TRABD2B: variants seen among roughly 807,000 people sequenced by gnomAD.
TRABD2B encodes the protein TraB domain containing 2B.
TRABD2B carries 14 observed loss-of-function variants against 40.1 expected under a neutral mutation model. The observed-to-expected ratio is 0.35, with a 90% CI of 0.23 to 0.55. The LOEUF is 0.55. TRABD2B is among the 20% of genes least tolerant of loss of function. The pLI is 0.90. For missense variants in TRABD2B, 541 were observed against 648.6 expected (o/e 0.83, Z 1.80); for synonymous variants, 263 against 277.0 (o/e 0.95, Z 0.50).
intron 2 of TRABD2B, among the ~76,000 whole-genome samples, chr1:47,889,625 G>C (rs2124646660): frequency 6.6e-6 from 1 of 152,316 alleles, no homozygotes; most frequent in African/African-American, 2.4e-5. Context: ...TATCTATTAG[G>C]TCAAAGATGC....
Position 47,823,439 on chromosome 1 carries a change from GC to G in TRABD2B, c.667-21821del, listed in dbSNP as rs368786491. 9.2e-5 allele frequency among the ~76,000 whole-genome samples: 14 copies of G among 152,378 alleles called. No individual in the cohort carries two copies. In the East Asian group the frequency reaches 1.7e-3, roughly 19 times the overall value. ...CATTCTACAGAGGCAAGCCCCTCCG[GC>G]CCCATCTGGCCTCCCTGACCCAGGG... is the stretch of plus-strand genomic sequence containing the variant. On this transcript the variant is annotated intron_variant, in intron 2 of 6. Coordinates refer to ENST00000606738, the MANE Select transcript of TRABD2B (RefSeq NM_001194986.2).
intron 2 of TRABD2B, among the ~76,000 whole-genome samples, chr1:47,958,054 T>G (rs1231360392): frequency 6.6e-6 from 1 of 152,178 alleles, no homozygotes; most frequent in African/African-American, 2.4e-5. Context: ...GGGTCAATAT[T>G]CAACATTCTT....
chr1:47,841,787 T>C (rs1645400715), intron 2 of TRABD2B, among the ~76,000 whole-genome samples: 1 of 54,018 alleles, frequency 1.9e-5, no homozygotes, highest in Non-Finnish European at 4.2e-5. Context: ...TTTCTTTTTC[T>C]TTTTTTTTTT....
intron 2 of TRABD2B, among the ~76,000 whole-genome samples, chr1:47,917,813 C>T (rs1005484613): frequency 2.0e-5 from 3 of 152,146 alleles, no homozygotes; most frequent in Admixed American, 6.5e-5. Context: ...CAAATACTCC[C>T]GGATTCTTTA....
chr1:47,918,542 C>T (rs4927232), intron 2 of TRABD2B, among the ~76,000 whole-genome samples: 1 of 152,160 alleles, frequency 6.6e-6, no homozygotes, highest in Non-Finnish European at 1.5e-5. Flanking sequence ...TGCTCTCCTG[C>T]CCATAAAGAA....
In TRABD2B at chr1:47,813,198, C is replaced by A. The variant is rs115385778; in HGVS notation, c.667-11579G>T. 5.4e-3 allele frequency among the ~76,000 whole-genome samples: 823 copies of A among 152,298 alleles called. 7 individuals are homozygous for A. Among genetic ancestry groups the A allele is most frequent in the African/African-American group, 0.019 (777 of 41,562 alleles). ...ATCAGTATGAAATTCCTAGAGGGCC[C>A]CTCTAATTCCTCTGGTCTGACCACA... On this transcript the variant is annotated intron_variant, in intron 2 of 6. Transcript: ENST00000606738. The surrounding 1 kb of genome is among the most constrained non-coding windows in gnomAD (Gnocchi z 4.3).
intron 2 of TRABD2B, among the ~76,000 whole-genome samples, chr1:47,886,521 G>C (rs1352499150): frequency 1.3e-5 from 2 of 152,110 alleles, no homozygotes; most frequent in Non-Finnish European, 2.9e-5. Context: ...AGTTATCTGA[G>C]ATCCTATTAT....
chr1:47,825,344 C>G (rs1284265974), intron 2 of TRABD2B, among the ~76,000 whole-genome samples: 3 of 152,230 alleles, frequency 2.0e-5, no homozygotes, highest in Non-Finnish European at 2.9e-5. Context: ...CCCACTGCCT[C>G]CTTATCCTCC....
chr1:47,774,248 T>C (rs1261269714), intron 6 of TRABD2B, among the ~76,000 whole-genome samples: 1 of 152,016 alleles, frequency 6.6e-6, no homozygotes, highest in African/African-American at 2.4e-5. Flanking sequence ...TGGATGGCGA[T>C]CTCTAGGGTC....
chr1:47,971,677 A>G (rs1034214674), intron 2 of TRABD2B, among the ~76,000 whole-genome samples: 2 of 152,148 alleles, frequency 1.3e-5, no homozygotes, highest in Admixed American at 1.3e-4. Flanking sequence ...CTCCTGACCA[A>G]GACTCCAGAA....
chr1:47,893,490 C>G (rs1351971883), intron 2 of TRABD2B, among the ~76,000 whole-genome samples: 3 of 152,174 alleles, frequency 2.0e-5, no homozygotes, highest in Non-Finnish European at 2.9e-5. Context: ...CTGGGTGTTG[C>G]CTTTTTAGGA....
chr1:47,912,139 C>T (rs1644771406), intron 2 of TRABD2B, among the ~76,000 whole-genome samples: 1 of 152,194 alleles, frequency 6.6e-6, no homozygotes, highest in Non-Finnish European at 1.5e-5. Context: ...AACAAACTTC[C>T]CTGAATGACT....
chr1:47,995,510 G>A (rs1477209535), intron 1 of TRABD2B, among the ~76,000 whole-genome samples: 1 of 152,050 alleles, frequency 6.6e-6, no homozygotes, highest in Admixed American at 6.5e-5. Flanking sequence ...GCGTGTGTGT[G>A]TGTGTGTGTG....
intron 2 of TRABD2B, among the ~76,000 whole-genome samples, chr1:47,895,084 A>G (rs1267521143): frequency 6.6e-6 from 1 of 152,136 alleles, no homozygotes; most frequent in Non-Finnish European, 1.5e-5. Context: ...GGACAAAATC[A>G]TATCCTGCGG....
intron 2 of TRABD2B, among the ~76,000 whole-genome samples, chr1:47,933,826 C>T (rs374660619): frequency 6.6e-6 from 1 of 152,202 alleles, no homozygotes; most frequent in Non-Finnish European, 1.5e-5. Context: ...CAGCACTGTC[C>T]AACAGAACTT....
chr1:47,955,174 A>G (rs1424124385), intron 2 of TRABD2B, among the ~76,000 whole-genome samples: 2 of 151,786 alleles, frequency 1.3e-5, no homozygotes, highest in African/African-American at 2.4e-5. Flanking sequence ...CCTTCATGAC[A>G]TTTCTCCCAT....
At chr1:47,842,456 G>A (rs1329003915) in intron 2 of TRABD2B, among the ~76,000 whole-genome samples, 2 of 152,234 alleles carry the variant, frequency 1.3e-5, no homozygotes, top group South Asian at 2.1e-4. Flanking sequence ...TCCCAGGGGG[G>A]AGGATACTGG....
chr1:47,911,464 C>T (rs1290133600), intron 2 of TRABD2B, among the ~76,000 whole-genome samples: 1 of 152,222 alleles, frequency 6.6e-6, no homozygotes, highest in African/African-American at 2.4e-5. Context: ...AAGTGACTTT[C>T]TCCTTAGATA....
At chr1:47,800,299 T>C (rs576560065) in intron 3 of TRABD2B, among the ~76,000 whole-genome samples, 1 of 152,304 alleles carries the variant, frequency 6.6e-6, no homozygotes, top group Non-Finnish European at 1.5e-5. Context: ...GTTGCAATTC[T>C]GAGTCAGGTG....
Sources: allele counts gnomAD v4.1 joint callset (sites outside exome capture counted in the v4.1 genomes callset), GRCh38; gene constraint gnomAD v4.1.1; non-coding constraint Gnocchi (gnomAD v3.1); transcripts MANE v1.5; gene names NCBI Gene and HGNC (gene_info 2026-07-23, HGNC 2026-07-21).